The following CDH22 variants were observed in gnomAD, a reference collection of about 807,000 sequenced individuals.
CDH22 encodes the protein cadherin 22.
Under a neutral mutation model 58.4 loss-of-function variants are expected in CDH22, and 30 were observed. The observed-to-expected ratio is 0.51, with a 90% CI of 0.38 to 0.70. The LOEUF (loss-of-function observed/expected upper bound fraction) is 0.70. Among genes scored for constraint, CDH22 ranks in the 30% least tolerant of loss-of-function variants. The pLI, the probability that CDH22 is intolerant of heterozygous loss-of-function variation, is 0.00. For synonymous variants in CDH22, 513 were observed against 558.2 expected, an observed-to-expected ratio of 0.92 and a Z score of 1.14; for missense variants, 1,014 against 1,233.9, an observed-to-expected ratio of 0.82 and a Z score of 2.67.
intron 7 of CDH22, among the ~76,000 whole-genome samples, chr20:46,199,911 C>A (rs868575756): frequency 4.0e-5 from 6 of 149,352 alleles, no homozygotes; most frequent in African/African-American, 1.5e-4. Context: ...TTCTTTTCTT[C>A]TTTCTTTCTT....
intron 1 of CDH22, among the ~76,000 whole-genome samples, chr20:46,254,928 T>C (rs954243599): frequency 1.3e-5 from 2 of 152,128 alleles, no homozygotes; most frequent in African/African-American, 4.8e-5. Flanking sequence ...CATGTGGAAT[T>C]TGGGGTGTTG....
At position 46,300,501 on chromosome 20, in the gene CDH22, C is replaced by T. The variant is rs779135485; in HGVS notation, c.-400+7754G>A. Among the ~76,000 whole-genome samples, 26 of 152,198 alleles carry T rather than the reference C, an allele frequency of 1.7e-4. No homozygotes were observed. Among genetic ancestry groups the T allele is most frequent in the Admixed American group, 1.4e-3 (21 of 15,280 alleles). On this transcript the variant is annotated intron_variant, in intron 1 of 11. Coordinates refer to ENST00000537909, the MANE Select transcript of CDH22 (RefSeq NM_021248.3). This position sits in a 1 kb window ranked among gnomAD's most constrained non-coding sequence, Gnocchi z 4.4. Reference sequence around the variant, plus strand: ...ACACACACAAGCGCGCGTGTGCGTGCGCGTGCACACACACATACACACACA... The same window carrying T: ...ACACACACAAGCGCGCGTGTGCGTGTGCGTGCACACACACATACACACACA...
At position 46,238,381 on chromosome 20, in the gene CDH22, AT is replaced by A. The variant is rs754981420; in HGVS notation, c.550+2581del. Among the ~76,000 whole-genome samples the A allele has an allele frequency of 1.3e-4, 20 of 152,270 alleles. No homozygotes were observed. The South Asian group carries it at 4.2e-3, about 32-fold the overall frequency. ...GAGCCCCAGTTTACCCATTAGCAAA[AT>A]TGTATGCTAAGTTCTTGCCAGGCTC... is the stretch of plus-strand genomic sequence containing the variant. On this transcript the variant is annotated intron_variant, in intron 3 of 11. Transcript: ENST00000537909.
At chr20:46,257,294 T>C (rs2086411192) in intron 1 of CDH22, among the ~76,000 whole-genome samples, 1 of 150,312 alleles carries the variant, frequency 6.7e-6, no homozygotes, top group Admixed American at 6.7e-5. Context: ...AGTGAGGCCT[T>C]GTCTCAAGAA....
Position 46,251,305 on chromosome 20 carries a change from C to T in CDH22, c.-11G>A, listed in dbSNP as rs1325313705. On this transcript the variant is annotated 5_prime_UTR_variant, in exon 2 of 12. Coordinates refer to ENST00000537909, the MANE Select transcript of CDH22 (RefSeq NM_021248.3). The surrounding 1 kb of genome is among the most constrained non-coding windows in gnomAD (Gnocchi z 6.7). The stretch of plus-strand genomic sequence containing the variant: ...GGGCCTCGGCCTCATCCTTGGCCTG[C>T]GCGGGGCTGGGGCCCAGGAGCATGG... 1 of 1,443,682 alleles carries T rather than the reference C, an allele frequency of 6.9e-7. No homozygotes were observed. Among genetic ancestry groups the T allele is most frequent in the Non-Finnish European group, 9.0e-7 (1 of 1,106,896 alleles). The allele number at this position is 1,443,682 out of a possible 1,614,324, so 89.4% of individuals were successfully genotyped here.
At chr20:46,256,507 G>C (rs1377019619) in intron 1 of CDH22, among the ~76,000 whole-genome samples, 6 of 152,194 alleles carry the variant, frequency 3.9e-5, no homozygotes, top group Non-Finnish European at 7.3e-5. Flanking sequence ...TCAGCAGCAT[G>C]TGTCTAGTGG....
At chr20:46,208,328 A>T (rs887912200) in intron 7 of CDH22, among the ~76,000 whole-genome samples, 12 of 151,788 alleles carry the variant, frequency 7.9e-5, no homozygotes, top group Non-Finnish European at 1.6e-4. Context: ...CAGCTCCCAG[A>T]CCCTTCCAGG....
intron 1 of CDH22, among the ~76,000 whole-genome samples, chr20:46,260,383 C>T (rs1189712050): frequency 6.6e-6 from 1 of 152,152 alleles, no homozygotes; most frequent in East Asian, 1.9e-4. Context: ...TCTACTTCCT[C>T]CAGACTCTCT....
At chr20:46,291,169 C>T (rs2086600553) in intron 1 of CDH22, among the ~76,000 whole-genome samples, 1 of 152,122 alleles carries the variant, frequency 6.6e-6, no homozygotes, top group African/African-American at 2.4e-5. Flanking sequence ...CCCAGCTACT[C>T]AGGAGGCTGA....
Position 46,246,552 on chromosome 20 carries a change from G to C in CDH22, c.255+4488C>G, listed in dbSNP as rs188071816. ...TATGGAAATGCTGGGAGGTTGCTTT[G>C]AGGGTGGGTGTCGTGAGAAGGTTCG... On this transcript the variant is annotated intron_variant, in intron 2 of 11. Coordinates refer to ENST00000537909, the MANE Select transcript of CDH22 (RefSeq NM_021248.3). 2.5e-3 allele frequency among the ~76,000 whole-genome samples: 381 copies of C among 152,326 alleles called. 1 individual carries two copies. Among genetic ancestry groups the C allele is most frequent in the Middle Eastern group, 0.01 (3 of 294 alleles).
chr20:46,282,296 G>C (rs1226463352), intron 1 of CDH22, among the ~76,000 whole-genome samples: 1 of 152,152 alleles, frequency 6.6e-6, no homozygotes, highest in Non-Finnish European at 1.5e-5. Context: ...ATTTGCCCGG[G>C]GGGTGGGAGC....
intron 10 of CDH22, among the ~76,000 whole-genome samples, chr20:46,181,744 C>CTTCCTTCG (rs1568649824): frequency 1.8e-3 from 56 of 30,754 alleles, no homozygotes; most frequent in African/African-American, 4.4e-3. Flanking sequence ...TCCTTCCTTC[C>CTTCCTTCG]TTCCTTCCTT....
At chr20:46,289,224 G>C (rs1036327781) in intron 1 of CDH22, among the ~76,000 whole-genome samples, 2 of 152,120 alleles carry the variant, frequency 1.3e-5, no homozygotes, top group Non-Finnish European at 2.9e-5. Flanking sequence ...TCGAGGGTCT[G>C]CTCAAATGGC....
At chr20:46,181,795 T>TC (rs2085791241) in intron 10 of CDH22, among the ~76,000 whole-genome samples, 1 of 45,614 alleles carries the variant, frequency 2.2e-5, no homozygotes, top group East Asian at 7.0e-4. Context: ...TTCTTTCTTT[T>TC]CTCTCTCTTT....
intron 2 of CDH22, among the ~76,000 whole-genome samples, chr20:46,243,392 A>C (rs1185005522): frequency 6.6e-6 from 1 of 152,120 alleles, no homozygotes; most frequent in Non-Finnish European, 1.5e-5. Flanking sequence ...AATTGCGGGG[A>C]CTAAATGGAG....
intron 8 of CDH22, among the ~76,000 whole-genome samples, chr20:46,197,524 GGGC>G: frequency 6.6e-6 from 1 of 152,102 alleles, no homozygotes; most frequent in Admixed American, 6.6e-5. Context: ...GGTGGCGGAG[GGGC>G]GTGTATCTGT....
rs1218255173 is a variant in CDH22, at chr20:46,216,940, C to T, written c.724G>A (p.Glu242Lys). The T allele has an allele frequency of 1.2e-6, 2 of 1,608,236 alleles. No homozygotes were observed. Among genetic ancestry groups the T allele is most frequent in the Non-Finnish European group, 1.7e-6 (2 of 1,175,352 alleles). Residue 242 changes from glutamate (E) to lysine (K), a missense_variant, in exon 5 of 12, where the codon GAG becomes AAG. Transcript: ENST00000537909. The surrounding 1 kb of genome is among the most constrained non-coding windows in gnomAD (Gnocchi z 5.3). Reference protein sequence around the residue: ...DLDRESQERYEVVIQATDMAG... With the variant: ...DLDRESQERYKVVIQATDMAG... Reference sequence around the variant, plus strand: ...ATGTCTGTGGCCTGGATCACCACCTCGTAGCGCTCCTGGCTCTCGCGGTCA... The same window carrying T: ...ATGTCTGTGGCCTGGATCACCACCTTGTAGCGCTCCTGGCTCTCGCGGTCA...
chr20:46,273,123 T>C (rs1360255964), intron 1 of CDH22, among the ~76,000 whole-genome samples: 2 of 152,168 alleles, frequency 1.3e-5, no homozygotes, highest in East Asian at 3.9e-4. Context: ...TGAGAATCTC[T>C]CACCTGATTT....
At position 46,296,433 on chromosome 20, in the gene CDH22, T is replaced by C. The variant is rs140328630; in HGVS notation, c.-400+11822A>G. Among the ~76,000 whole-genome samples, 61 of 152,328 alleles carry C rather than the reference T, an allele frequency of 4.0e-4. No individual in the cohort carries two copies. The East Asian group carries it at 0.011, about 28-fold the overall frequency. ...CCAGCTAAAATGTATCCAACAGGGA[T>C]TGGTGCCCAGATCTGCCTGTCTCTG... On this transcript the variant is annotated intron_variant, in intron 1 of 11. Transcript: ENST00000537909.
Sources: gnomAD v4.1 joint callset for allele counts (sites outside exome capture counted in the v4.1 genomes callset) on GRCh38, gnomAD v4.1.1 for gene constraint, Gnocchi (gnomAD v3.1) non-coding constraint, MANE v1.5 for transcripts, NCBI Gene and HGNC (gene_info 2026-07-23, HGNC 2026-07-21) for gene names.